TMEM39A: variants seen among roughly 807,000 people sequenced by gnomAD.
TMEM39A encodes the protein suppressor of SQST-1 aggregates in rpl-43 mutants.
In TMEM39A, 19 loss-of-function variants were observed where a neutral mutation model predicts 51.9. That is an observed-to-expected ratio of 0.37 (90% CI 0.26 to 0.54). TMEM39A has a LOEUF of 0.54. TMEM39A is among the 20% of genes least tolerant of loss of function. The probability of loss-of-function intolerance (pLI) is 0.88; values close to 1 mark genes in which losing one functional copy is unlikely to be tolerated. For synonymous variants in TMEM39A, 197 were observed against 220.2 expected (o/e 0.89, Z 0.93); for missense variants, 433 against 590.5 (o/e 0.73, Z 2.76).
chr3:119,428,964 A>C lies in TMEM39A; in HGVS notation c.*3017T>G, dbSNP rs185427507. Reference sequence around the variant, plus strand: ...ATCTGTCTGCTTATTTGAAGTACTTATGAAAAGAGCACTTTATTGGGCTTC... The same window carrying C: ...ATCTGTCTGCTTATTTGAAGTACTTCTGAAAAGAGCACTTTATTGGGCTTC... On this transcript the variant is annotated 3_prime_UTR_variant, in exon 9 of 9. Coordinates refer to ENST00000319172, the MANE Select transcript of TMEM39A (RefSeq NM_018266.3). Among the ~76,000 whole-genome samples, 28 of 152,262 alleles carry C rather than the reference A, an allele frequency of 1.8e-4. No homozygotes were observed. The Middle Eastern group carries it at 0.014, about 74-fold the overall frequency.
At chr3:119,452,610 T>C in intron 3 of TMEM39A, 80 bp from the exon 4 acceptor site, 1 of 1,146,622 alleles carries the variant, frequency 8.7e-7, no homozygotes, top group South Asian at 1.4e-5. Context: ...TAGAGGTTTA[T>C]CCCTCAAAAG....
At chr3:119,443,089 T>G (rs375749716) in intron 5 of TMEM39A, among the ~76,000 whole-genome samples, 2,063 of 126,854 alleles carry the variant, frequency 0.016, 54 homozygotes, top group African/African-American at 0.057. Context: ...AAAAAAAAAG[T>G]GAAGCCTGAA....
intron 5 of TMEM39A, among the ~76,000 whole-genome samples, 161 bp from the exon 6 acceptor site, chr3:119,438,264 G>A (rs1360171810): frequency 6.6e-6 from 1 of 152,144 alleles, no homozygotes; most frequent in Non-Finnish European, 1.5e-5. Context: ...TTCATTATCT[G>A]GGGAGCTCTT....
intron 4 of TMEM39A, among the ~76,000 whole-genome samples, chr3:119,450,705 C>A (rs751839699): frequency 1.3e-5 from 2 of 151,466 alleles, no homozygotes; most frequent in Non-Finnish European, 2.9e-5. Flanking sequence ...GCCTGCAATC[C>A]CAGCTACTCA....
chr3:119,430,281 C>G lies in TMEM39A; in HGVS notation c.*1700G>C, dbSNP rs2080882447. 6.6e-6 allele frequency: 1 copy of G among 152,134 alleles called. No individual in the cohort carries two copies. Among genetic ancestry groups the G allele is most frequent in the Non-Finnish European group, 1.5e-5 (1 of 68,000 alleles). 9.4% of individuals were successfully genotyped at this position (152,134 alleles called of 1,614,324 possible). A position where few individuals can be genotyped will look rare whatever the true frequency, so the allele number is the denominator to read the frequency against. ...TCTCCCCAAAGCTATTTATATGATT[C>G]AGTCTTGCTTTTTCTTTGCTTAAAA... On this transcript the variant is annotated 3_prime_UTR_variant, in exon 9 of 9. Transcript: ENST00000319172.
chr3:119,446,921 T>A (rs2081133332), intron 5 of TMEM39A, 97 bp downstream of exon 5: 1 of 1,311,836 alleles, frequency 7.6e-7, no homozygotes, highest in Non-Finnish European at 1.0e-6. Flanking sequence ...TCATTTATAT[T>A]TGAAGAATTT....
At chr3:119,443,155 T>C (rs1224452577) in intron 5 of TMEM39A, among the ~76,000 whole-genome samples, 1 of 151,820 alleles carries the variant, frequency 6.6e-6, no homozygotes, top group Non-Finnish European at 1.5e-5. Context: ...CTGCTTCTTA[T>C]GGATAAGAAA....
intron 6 of TMEM39A, among the ~76,000 whole-genome samples, 167 bp downstream of exon 6, chr3:119,437,588 C>T (rs1013343066): frequency 1.3e-5 from 2 of 151,388 alleles, no homozygotes; most frequent in African/African-American, 4.9e-5. Context: ...ATGGAAATAC[C>T]TATCCGCCAA....
chr3:119,441,528 G>A (rs935844610), intron 5 of TMEM39A, among the ~76,000 whole-genome samples: 22 of 152,214 alleles, frequency 1.4e-4, no homozygotes, highest in African/African-American at 5.1e-4. Flanking sequence ...CTCCAGAGAG[G>A]TGAGAAAGCT....
chr3:119,444,756 G>A (rs543091180), intron 5 of TMEM39A, among the ~76,000 whole-genome samples: 1 of 152,250 alleles, frequency 6.6e-6, no homozygotes, highest in East Asian at 1.9e-4. Flanking sequence ...GGTAGATTCT[G>A]AGAATTTCCA....
intron 4 of TMEM39A, among the ~76,000 whole-genome samples, chr3:119,451,830 C>CAAAA (rs10653676): frequency 0.031 from 1,612 of 52,480 alleles, 46 homozygotes; most frequent in South Asian, 0.067. Flanking sequence ...AACTCCGTCT[C>CAAAA]AAAAAAAAAA....
chr3:119,430,706 A>C lies in TMEM39A; in HGVS notation c.*1275T>G, dbSNP rs979578036. ...TACCTTGGTTTTACAAACACTCCTC[A>C]CAATACTTCCCCTTGGTGAAGCCTT... is the stretch of plus-strand genomic sequence containing the variant. On this transcript the variant is annotated 3_prime_UTR_variant, in exon 9 of 9. Transcript: ENST00000319172. 6.6e-6 allele frequency: 1 copy of C among 152,154 alleles called. No individual in the cohort carries two copies. Among genetic ancestry groups the C allele is most frequent in the Non-Finnish European group, 1.5e-5 (1 of 67,992 alleles). 9.4% of individuals were successfully genotyped at this position (152,154 alleles called of 1,614,324 possible).
At chr3:119,443,138 T>C (rs1002925529) in intron 5 of TMEM39A, among the ~76,000 whole-genome samples, 1 of 148,480 alleles carries the variant, frequency 6.7e-6, no homozygotes, top group Non-Finnish European at 1.5e-5. Context: ...CTTAAACGGA[T>C]AAGGAGCTGC....
intron 3 of TMEM39A, among the ~76,000 whole-genome samples, chr3:119,456,166 G>C (rs1234669352): frequency 1.3e-5 from 2 of 152,032 alleles, no homozygotes; most frequent in African/African-American, 2.4e-5. Flanking sequence ...TTTATTTATA[G>C]AACTATATAG....
At chr3:119,454,106 G>A (rs959218552) in intron 3 of TMEM39A, among the ~76,000 whole-genome samples, 1 of 152,214 alleles carries the variant, frequency 6.6e-6, no homozygotes, top group Non-Finnish European at 1.5e-5. Flanking sequence ...TATATGCCTA[G>A]TGTGTCTAAA....
intron 4 of TMEM39A, among the ~76,000 whole-genome samples, chr3:119,449,245 C>T (rs1357646329): frequency 6.6e-6 from 1 of 152,134 alleles, no homozygotes; most frequent in Non-Finnish European, 1.5e-5. Context: ...ATAAAATCTT[C>T]ATACGCATAT....
At chr3:119,439,442 G>A (rs1426690671) in intron 5 of TMEM39A, among the ~76,000 whole-genome samples, 1 of 151,940 alleles carries the variant, frequency 6.6e-6, no homozygotes, top group East Asian at 1.9e-4. Context: ...TTAGCTGGGT[G>A]TGGTGGCGCG....
In TMEM39A at chr3:119,432,054, A is replaced by G. The variant is rs1443345500; in HGVS notation, c.1394T>C (p.Leu465Pro). The G allele has an allele frequency of 6.2e-7, 1 of 1,613,224 alleles. No homozygotes were observed. The highest frequency in any genetic ancestry group is 1.3e-5 in the African/African-American group (1 of 74,972). Residue 465 changes from leucine (L) to proline (P), a missense_variant, in exon 9 of 9, where the codon CTT (leucine) becomes CCT (proline). Leu to Pro is a moderately conservative substitution (Grantham distance 98). Coordinates refer to ENST00000319172, the MANE Select transcript of TMEM39A (RefSeq NM_018266.3). ...GCCTAATACTATTCTGTCCCGGAGA[A>G]GTTTAAATAAAACATAGTAGTTGCA... ...LFCNYYVLFK[L>P]LRDRIVLGRA...
intron 3 of TMEM39A, among the ~76,000 whole-genome samples, chr3:119,453,132 A>G (rs961757353): frequency 6.6e-6 from 1 of 152,258 alleles, no homozygotes; most frequent in Non-Finnish European, 1.5e-5. Context: ...CTGTGGTAAT[A>G]AGCAAATGAA....
Sources: allele counts gnomAD v4.1 joint callset (sites outside exome capture counted in the v4.1 genomes callset), GRCh38; gene constraint gnomAD v4.1.1; transcripts MANE v1.5; gene names NCBI Gene and HGNC (gene_info 2026-07-23, HGNC 2026-07-21).